BABAM2: variants seen among roughly 807,000 people sequenced by gnomAD.
BABAM2 encodes BRISC and BRCA1-A complex member 2.
In BABAM2, 31 loss-of-function variants were observed where a neutral mutation model predicts 54.7. That is an observed-to-expected ratio of 0.57 (90% CI 0.43 to 0.77). The LOEUF is 0.77. Among genes scored for constraint, BABAM2 ranks in the 30% least tolerant of loss-of-function variants. The probability of loss-of-function intolerance (pLI) is 0.00; values close to 1 mark genes in which losing one functional copy is unlikely to be tolerated. For missense variants in BABAM2, 364 were observed against 455.8 expected, an observed-to-expected ratio of 0.80 and a Z score of 1.83; for synonymous variants, 167 against 162.9, an observed-to-expected ratio of 1.03 and a Z score of -0.19.
At chr2:28,237,073 A>G (rs1681981913) in intron 7 of BABAM2, 129 bp from the exon 8 acceptor site, 23 of 691,080 alleles carry the variant, frequency 3.3e-5, no homozygotes, top group Non-Finnish European at 5.2e-5. Flanking sequence ...AAGCCCATAT[A>G]CCCATCATCA....
intron 9 of BABAM2, 78 bp downstream of exon 9, chr2:28,241,471 G>A: frequency 1.5e-6 from 2 of 1,349,230 alleles, no homozygotes; most frequent in South Asian, 2.4e-5. Context: ...GCTTGATTAA[G>A]AAAATAGCAC....
intron 3 of BABAM2, among the ~76,000 whole-genome samples, chr2:27,969,225 A>G (rs1351809642): frequency 1.3e-5 from 2 of 152,178 alleles, no homozygotes; most frequent in African/African-American, 2.4e-5. Context: ...CCCCAGCCAC[A>G]TGAAACTGTG....
intron 7 of BABAM2, among the ~76,000 whole-genome samples, chr2:28,226,542 G>T (rs1341211299): frequency 6.6e-6 from 1 of 152,126 alleles, no homozygotes; most frequent in East Asian, 1.9e-4. Context: ...GAGTCATGGG[G>T]GGAGATGATG....
At chr2:27,954,911 G>T (rs1483379362) in intron 3 of BABAM2, among the ~76,000 whole-genome samples, 5 of 152,228 alleles carry the variant, frequency 3.3e-5, no homozygotes, top group African/African-American at 1.2e-4. Context: ...TGGGCTCGTG[G>T]CTGAGAGAAT....
At chr2:28,013,898 C>A (rs919077659) in intron 4 of BABAM2, among the ~76,000 whole-genome samples, 2 of 152,000 alleles carry the variant, frequency 1.3e-5, no homozygotes, top group Non-Finnish European at 2.9e-5. Context: ...TTTTCTGGAG[C>A]AACTGCCAGC....
chr2:28,168,355 T>C (rs910726155), intron 7 of BABAM2, among the ~76,000 whole-genome samples: 1 of 152,248 alleles, frequency 6.6e-6, no homozygotes, highest in South Asian at 2.1e-4. Flanking sequence ...TCTCCTAGGC[T>C]CACTCACGTA....
At chr2:28,274,586 A>G (rs917054255) in intron 10 of BABAM2, among the ~76,000 whole-genome samples, 4 of 152,110 alleles carry the variant, frequency 2.6e-5, no homozygotes, top group African/African-American at 9.7e-5. Context: ...TGCACCCACC[A>G]TGCCCAGCTA....
intron 10 of BABAM2, among the ~76,000 whole-genome samples, chr2:28,297,329 G>T (rs186355343): frequency 6.6e-6 from 1 of 152,120 alleles, no homozygotes; most frequent in Non-Finnish European, 1.5e-5. Flanking sequence ...ATCAGATAAC[G>T]TGTATAAAGA....
intron 7 of BABAM2, among the ~76,000 whole-genome samples, chr2:28,155,243 A>G (rs1672436961): frequency 6.6e-6 from 1 of 152,164 alleles, no homozygotes; most frequent in African/African-American, 2.4e-5. Context: ...TTATTATCAC[A>G]ATCTTTACCC....
chr2:28,308,495 T>G (rs1383151047), intron 11 of BABAM2: 2 of 527,412 alleles, frequency 3.8e-6, no homozygotes, highest in African/African-American at 3.8e-5. Context: ...TCAAACAGGC[T>G]GTGAAGAAGC....
intron 2 of BABAM2, among the ~76,000 whole-genome samples, chr2:27,927,414 A>C (rs979747764): frequency 6.6e-6 from 1 of 152,192 alleles, no homozygotes; most frequent in African/African-American, 2.4e-5. Flanking sequence ...GTTTTTCATA[A>C]ATTTAAAGCA....
chr2:27,978,519 T>A (rs1016133721), intron 3 of BABAM2, among the ~76,000 whole-genome samples: 2 of 152,220 alleles, frequency 1.3e-5, no homozygotes, highest in African/African-American at 4.8e-5. Flanking sequence ...TTCCACAAAG[T>A]TCTTGTCTGA....
chr2:27,991,556 C>G (rs145715433), intron 4 of BABAM2, among the ~76,000 whole-genome samples: 1 of 152,274 alleles, frequency 6.6e-6, no homozygotes, highest in African/African-American at 2.4e-5. Context: ...CCTATATTCC[C>G]ACCCTGATCC....
intron 2 of BABAM2, among the ~76,000 whole-genome samples, chr2:27,909,378 T>C (rs900070679): frequency 3.3e-5 from 5 of 152,200 alleles, no homozygotes; most frequent in African/African-American, 9.6e-5. Flanking sequence ...TTTGGAGAAA[T>C]GTCTGTTCAA....
chr2:28,105,191 A>G (rs1667410474), intron 6 of BABAM2, among the ~76,000 whole-genome samples: 1 of 152,094 alleles, frequency 6.6e-6, no homozygotes, highest in Non-Finnish European at 1.5e-5. Flanking sequence ...AGTATAATAA[A>G]ACATAATAAT....
Position 28,306,950 on chromosome 2 carries a change from C to A in BABAM2, c.1088+8459C>A, listed in dbSNP as rs369441487. ...TGACCTCATGATCCACCTGCCTTGG[C>A]CCCCCAAAGTGCTGGGATTACAGGC... On this transcript the variant is annotated intron_variant, in intron 11 of 11. Coordinates refer to ENST00000379624, the MANE Select transcript of BABAM2 (RefSeq NM_199191.3). Among the ~76,000 whole-genome samples, 824 of 149,608 alleles carry A rather than the reference C, an allele frequency of 5.5e-3. 6 individuals carry two copies. The highest frequency in any genetic ancestry group is 0.019 in the African/African-American group (771 of 40,750).
At chr2:28,179,691 C>G (rs7583396) in intron 7 of BABAM2, among the ~76,000 whole-genome samples, 1,575 of 152,280 alleles carry the variant, frequency 0.01, 28 homozygotes, top group African/African-American at 0.036. Context: ...TAAATTGTCC[C>G]TTTTTGCAGA....
At chr2:27,981,369 T>C (rs1671986693) in intron 3 of BABAM2, among the ~76,000 whole-genome samples, 1 of 152,200 alleles carries the variant, frequency 6.6e-6, no homozygotes, top group African/African-American at 2.4e-5. Flanking sequence ...TACAATTACA[T>C]ACCGTGCAGT....
chr2:28,042,104 T>G (rs969378275), intron 5 of BABAM2, among the ~76,000 whole-genome samples: 1 of 152,120 alleles, frequency 6.6e-6, no homozygotes, highest in African/African-American at 2.4e-5. Context: ...GAGGGAAAGA[T>G]AGAAGTCAAA....
Sources: gnomAD v4.1 joint callset for allele counts (sites outside exome capture counted in the v4.1 genomes callset) on GRCh38, gnomAD v4.1.1 for gene constraint, MANE v1.5 for transcripts, NCBI Gene and HGNC (gene_info 2026-07-23, HGNC 2026-07-21) for gene names.